OPRK1: variants seen among roughly 807,000 people sequenced by gnomAD.
The protein encoded by OPRK1 is kappa-type opioid receptor.
A neutral mutation model predicts 24.5 loss-of-function variants in OPRK1; 15 were observed. The observed-to-expected ratio is 0.61, with a 90% confidence interval of 0.41 to 0.94. The LOEUF (loss-of-function observed/expected upper bound fraction) is 0.94. OPRK1 is among the 40% of genes least tolerant of loss of function. OPRK1 has a pLI of 0.00. For missense variants in OPRK1, 479 were observed against 507.3 expected (o/e 0.94, Z 0.54); for synonymous variants, 205 against 198.0 (o/e 1.04, Z -0.30).
At chr8:53,232,642 ACT>A (rs1806883558) in intron 3 of OPRK1, among the ~76,000 whole-genome samples, 1 of 152,166 alleles carries the variant, frequency 6.6e-6, no homozygotes, top group Admixed American at 6.5e-5. Flanking sequence ...TATCCATACA[ACT>A]GCCTCAGTTT....
intron 2 of OPRK1, among the ~76,000 whole-genome samples, chr8:53,241,780 A>G (rs1807121201): frequency 6.6e-6 from 1 of 152,212 alleles, no homozygotes; most frequent in South Asian, 2.1e-4. Flanking sequence ...CCCACGTGCG[A>G]TCAGGACTCC....
At chr8:53,249,062 C>T (rs1257601080) in intron 2 of OPRK1, among the ~76,000 whole-genome samples, 1 of 152,132 alleles carries the variant, frequency 6.6e-6, no homozygotes, top group Non-Finnish European at 1.5e-5. Context: ...TTGCACATAA[C>T]ATCTAAATGT....
chr8:53,238,751 G>C, intron 2 of OPRK1: 2 of 981,210 alleles, frequency 2.0e-6, no homozygotes, highest in Non-Finnish European at 2.4e-6. Flanking sequence ...AGTGTCACCA[G>C]GCAGGGTTTC....
intron 2 of OPRK1, among the ~76,000 whole-genome samples, chr8:53,235,523 A>C (rs1465930632): frequency 6.6e-6 from 1 of 152,144 alleles, no homozygotes; most frequent in East Asian, 1.9e-4. Context: ...TTTTTTCCTC[A>C]GGGTTATTTT....
intron 2 of OPRK1, among the ~76,000 whole-genome samples, chr8:53,247,425 G>T: frequency 6.6e-6 from 1 of 152,146 alleles, no homozygotes; most frequent in Non-Finnish European, 1.5e-5. Flanking sequence ...ACCTATAGTT[G>T]TGAAGATTAA....
chr8:53,248,828 T>A (rs1030035740), intron 2 of OPRK1, among the ~76,000 whole-genome samples: 1 of 152,226 alleles, frequency 6.6e-6, no homozygotes, highest in African/African-American at 2.4e-5. Flanking sequence ...ACTCTTCGCT[T>A]TTCATTCATC....
rs143922432 is a variant in OPRK1 at position 53,251,487 on chromosome 8, G to C, written c.-88C>G. On this transcript the variant is annotated 5_prime_UTR_variant, in exon 1 of 4. Transcript: ENST00000265572. ...GACAGGCGAAGGCGAGGTTTTTTAC[G>C]GGACGCCCTGGTAGGTGCTGAACCG... is the stretch of plus-strand genomic sequence containing the variant. The C allele has an allele frequency of 4.7e-3, 774 of 166,142 alleles. 7 individuals are homozygous for C. Among genetic ancestry groups the C allele is most frequent in the African/African-American group, 0.018 (738 of 41,896 alleles). The allele number at this position is 166,142 out of a possible 1,614,324, so 10.3% of individuals were successfully genotyped here.
chr8:53,235,052 G>A lies in OPRK1; in HGVS notation c.317C>T (p.Ala106Val). The A allele has an allele frequency of 6.2e-7, 1 of 1,614,222 alleles. No homozygotes were observed. Among genetic ancestry groups the A allele is most frequent in the Non-Finnish European group, 8.5e-7 (1 of 1,180,040 alleles). ...AAAGGGCATGGTTGTAGTAACTAAA[G>A]CATCTGCCAAAGCCAGGTTAAATAT... ...IYIFNLALAD[A>V]LVTTTMPFQS... Residue 106 changes from alanine to valine, a missense_variant, in exon 3 of 4, where the codon GCT becomes GTT. By Grantham distance (64) the Ala-to-Val change is moderately conservative. Transcript: ENST00000265572.
chr8:53,240,793 G>C (rs1406010797), intron 2 of OPRK1, among the ~76,000 whole-genome samples: 2 of 152,082 alleles, frequency 1.3e-5, no homozygotes, highest in African/African-American at 4.8e-5. Context: ...ATACTGTATT[G>C]CTTATCTTGA....
chr8:53,231,330 C>T (rs1043912132), intron 3 of OPRK1, among the ~76,000 whole-genome samples: 3 of 151,986 alleles, frequency 2.0e-5, no homozygotes, highest in African/African-American at 4.8e-5. Context: ...ATATTCTATT[C>T]TGGGTTTTGA....
chr8:53,234,309 C>G (rs1806934881), intron 3 of OPRK1, among the ~76,000 whole-genome samples: 1 of 151,830 alleles, frequency 6.6e-6, no homozygotes, highest in African/African-American at 2.4e-5. Context: ...GGCCTACAGC[C>G]AAAGCTGTTA....
chr8:53,245,048 T>C (rs1357264863), intron 2 of OPRK1, among the ~76,000 whole-genome samples: 1 of 152,250 alleles, frequency 6.6e-6, no homozygotes. Context: ...GTAAAGGTTA[T>C]GTAAATAGTT....
chr8:53,237,535 C>T (rs2128808992), intron 2 of OPRK1, among the ~76,000 whole-genome samples: 1 of 152,276 alleles, frequency 6.6e-6, no homozygotes, highest in Middle Eastern at 3.4e-3. Context: ...ATTCCCCAAG[C>T]TTTGTCTCAA....
chr8:53,230,211 T>C (rs927198516), intron 3 of OPRK1, among the ~76,000 whole-genome samples: 3 of 152,010 alleles, frequency 2.0e-5, no homozygotes, highest in African/African-American at 7.2e-5. Flanking sequence ...CTCCCAGACC[T>C]AAGGCTCTGG....
At chr8:53,248,017 A>AG (rs1287002679) in intron 2 of OPRK1, among the ~76,000 whole-genome samples, 3 of 149,378 alleles carry the variant, frequency 2.0e-5, no homozygotes, top group Middle Eastern at 3.4e-3. Context: ...AAAAAAAAAA[A>AG]AAGAATCCTG....
Position 53,229,673 on chromosome 8 carries a change from A to G in OPRK1, c.767T>C (p.Val256Ala). 1.2e-6 allele frequency: 2 copies of G among 1,614,122 alleles called. No homozygotes were observed. The highest frequency in any genetic ancestry group is 1.7e-6 in the Non-Finnish European group (2 of 1,180,016). The change falls in exon 4 of 4, where the codon GTC (valine) becomes GCC (alanine). Residue 256 changes from valine to alanine, a missense_variant. Val to Ala is a moderately conservative substitution (Grantham distance 64, BLOSUM62 0). Coordinates refer to ENST00000265572, the MANE Select transcript of OPRK1 (RefSeq NM_000912.5). ...CTCTCGGGAGCCAGAAAGGAGCCGG[A>G]CGCTCTTGAGACGCAGGATCATCAG... is the stretch of plus-strand genomic sequence containing the variant. The part of the protein sequence containing the change: ...YTLMILRLKS[V>A]RLLSGSREKD...
chr8:53,225,829 T>C lies in OPRK1; in HGVS notation c.*3468A>G, dbSNP rs1316479807. On this transcript the variant is annotated 3_prime_UTR_variant, in exon 4 of 4. Coordinates refer to ENST00000265572, the MANE Select transcript of OPRK1 (RefSeq NM_000912.5). ...TACAAGATAAAAATCATATACATTA[T>C]AGTAAAGAACATATGAGTATATTCT... The C allele has an allele frequency of 1.3e-5, 2 of 152,634 alleles. No homozygotes were observed. Among genetic ancestry groups the C allele is most frequent in the African/African-American group, 4.8e-5 (2 of 41,456 alleles). 9.5% of individuals were successfully genotyped at this position (152,634 alleles called of 1,614,324 possible). A position where few individuals can be genotyped will look rare whatever the true frequency, so the allele number is the denominator to read the frequency against.
rs975127565 is a variant in OPRK1, at chr8:53,235,044, T to C, written c.325A>G (p.Thr109Ala). ...GTACTCTGAAAGGGCATGGTTGTAG[T>C]AACTAAAGCATCTGCCAAAGCCAGG... ...FNLALADALV[T>A]TTMPFQSTVY... Residue 109 changes from threonine to alanine, a missense_variant, in exon 3 of 4, where the codon ACT (threonine) becomes GCT (alanine). Thr to Ala is a moderately conservative substitution (Grantham distance 58). Transcript: ENST00000265572. The C allele has an allele frequency of 4.3e-6, 7 of 1,614,260 alleles. No individual in the cohort carries two copies. In the South Asian group the frequency reaches 7.7e-5, roughly 18 times the overall value.
chr8:53,251,218 G>A (rs1807389332), intron 1 of OPRK1, 133 bp from the exon 2 acceptor site: 4 of 1,000,830 alleles, frequency 4.0e-6, no homozygotes, highest in Non-Finnish European at 4.1e-6. Context: ...CAGGGAGAAC[G>A]GACTTCTCGC....
Sources: gnomAD v4.1 joint callset for allele counts (sites outside exome capture counted in the v4.1 genomes callset) on GRCh38, gnomAD v4.1.1 for gene constraint, MANE v1.5 for transcripts, NCBI Gene and HGNC (gene_info 2026-07-23, HGNC 2026-07-21) for gene names.